CDH4: variants seen among roughly 807,000 people sequenced by gnomAD.
The protein encoded by CDH4 is cadherin-4.
In CDH4, 33 loss-of-function variants were observed where a neutral mutation model predicts 86.0. That is an observed-to-expected ratio of 0.38 (90% confidence interval 0.29 to 0.51). The LOEUF (loss-of-function observed/expected upper bound fraction) is 0.51, where lower values mean the gene tolerates loss of function less well. Ranked by LOEUF, CDH4 falls within the 20% of genes least tolerant of loss-of-function variation. The pLI, the probability that CDH4 is intolerant of heterozygous loss-of-function variation, is 0.86. For missense variants in CDH4, 1,114 were observed against 1,307.4 expected (o/e 0.85, Z 2.28); for synonymous variants, 555 against 549.4 (o/e 1.01, Z -0.14).
At chr20:61,311,624 G>A (rs2084446129) in intron 2 of CDH4, among the ~76,000 whole-genome samples, 1 of 152,180 alleles carries the variant, frequency 6.6e-6, no homozygotes, top group African/African-American at 2.4e-5. Flanking sequence ...CAAAGTTTGT[G>A]TTTGTGTTAA....
At chr20:61,677,053 G>A (rs1236551379) in intron 2 of CDH4, among the ~76,000 whole-genome samples, 6 of 152,192 alleles carry the variant, frequency 3.9e-5, no homozygotes, top group Admixed American at 2.0e-4. Flanking sequence ...TAGGTCCTTC[G>A]TAGGGCCTTG....
At chr20:61,408,213 C>T (rs1375446084) in intron 2 of CDH4, among the ~76,000 whole-genome samples, 3 of 152,274 alleles carry the variant, frequency 2.0e-5, no homozygotes, top group East Asian at 3.9e-4. Flanking sequence ...ATCATCTCTG[C>T]ATCTCGAACT....
chr20:61,378,126 C>T (rs555878158), intron 2 of CDH4, among the ~76,000 whole-genome samples: 81 of 152,198 alleles, frequency 5.3e-4, no homozygotes, highest in African/African-American at 1.9e-3. Context: ...TGGTGGTGCA[C>T]GCCTGTAGTC....
At chr20:61,932,776 C>A (rs111462264) in intron 13 of CDH4, among the ~76,000 whole-genome samples, 2 of 152,246 alleles carry the variant, frequency 1.3e-5, no homozygotes, top group Admixed American at 6.5e-5. Flanking sequence ...GCACGTGGGC[C>A]GCACATGTGC....
At chr20:61,699,400 G>A (rs537737755) in intron 2 of CDH4, among the ~76,000 whole-genome samples, 2 of 152,294 alleles carry the variant, frequency 1.3e-5, no homozygotes, top group African/African-American at 4.8e-5. Context: ...ACAGGGCCAC[G>A]GTTGCCAGGT....
At chr20:61,267,055 A>G (rs1311252792) in intron 2 of CDH4, among the ~76,000 whole-genome samples, 1 of 152,154 alleles carries the variant, frequency 6.6e-6, no homozygotes, top group African/African-American at 2.4e-5. Flanking sequence ...GAATGCCTAG[A>G]GTTCCTGGAA....
chr20:61,605,913 C>T (rs2086641997), intron 2 of CDH4, among the ~76,000 whole-genome samples: 1 of 148,896 alleles, frequency 6.7e-6, no homozygotes, highest in African/African-American at 2.5e-5. Flanking sequence ...AAACAGGAAA[C>T]CAGGTAGAGA....
At chr20:61,311,939 G>A (rs1172219186) in intron 2 of CDH4, among the ~76,000 whole-genome samples, 1 of 152,284 alleles carries the variant, frequency 6.6e-6, no homozygotes, top group Non-Finnish European at 1.5e-5. Context: ...CCGAGCCTGT[G>A]AGGTCATTGT....
At chr20:61,408,341 G>C (rs923389943) in intron 2 of CDH4, among the ~76,000 whole-genome samples, 1 of 152,158 alleles carries the variant, frequency 6.6e-6, no homozygotes, top group Non-Finnish European at 1.5e-5. Flanking sequence ...TTTAACTTGG[G>C]GGGTGGTGTT....
intron 5 of CDH4, among the ~76,000 whole-genome samples, chr20:61,846,252 T>G (rs1360604703): frequency 6.6e-6 from 1 of 152,202 alleles, no homozygotes; most frequent in Non-Finnish European, 1.5e-5. Flanking sequence ...TGGGGAGACC[T>G]GATTGACAGT....
At chr20:61,396,265 C>T (rs896982916) in intron 2 of CDH4, among the ~76,000 whole-genome samples, 1 of 152,124 alleles carries the variant, frequency 6.6e-6, no homozygotes, top group South Asian at 2.1e-4. Flanking sequence ...TGGTACCATC[C>T]TGGCTACATC....
intron 3 of CDH4, among the ~76,000 whole-genome samples, chr20:61,758,091 G>A (rs1334883506): frequency 6.6e-6 from 1 of 152,240 alleles, no homozygotes; most frequent in African/African-American, 2.4e-5. Context: ...CCATGTGGCA[G>A]ATGCGGTTTG....
rs529085825 is a variant in CDH4, at chr20:61,917,261, C to G, written c.1375-6190C>G. On this transcript the variant is annotated intron_variant, in intron 9 of 15. Transcript: ENST00000614565. ...TTCTCCGCTCTCAGGTCCCCAAACC[C>G]AAATACCATCTGTTACCATCATACC... Among the ~76,000 whole-genome samples, 3 of 152,320 alleles carry G rather than the reference C, an allele frequency of 2.0e-5. No individual in the cohort carries two copies. In the South Asian group the frequency reaches 6.2e-4, roughly 32 times the overall value.
At chr20:61,632,332 T>C (rs1356689740) in intron 2 of CDH4, among the ~76,000 whole-genome samples, 1 of 152,160 alleles carries the variant, frequency 6.6e-6, no homozygotes, top group Admixed American at 6.5e-5. Flanking sequence ...TGTGCACTTA[T>C]ACAATACCCA....
intron 4 of CDH4, among the ~76,000 whole-genome samples, chr20:61,840,315 C>T (rs984750931): frequency 3.9e-5 from 6 of 152,180 alleles, no homozygotes; most frequent in African/African-American, 1.4e-4. Flanking sequence ...CCCCGGCTTC[C>T]ACCCTTGAAA....
chr20:61,580,773 T>C (rs1283346675), intron 2 of CDH4, among the ~76,000 whole-genome samples: 7 of 152,132 alleles, frequency 4.6e-5, no homozygotes, highest in African/African-American at 1.2e-4. Context: ...CCATTAGCAA[T>C]GGGTGGCGCC....
rs958681013 is a variant in CDH4, at chr20:61,663,955, C to T, written c.170-79608C>T. 2.0e-5 allele frequency among the ~76,000 whole-genome samples: 3 copies of T among 152,170 alleles called. No homozygotes were observed. The highest frequency in any genetic ancestry group is 3.9e-4 in the East Asian group (2 of 5,184). On this transcript the variant is annotated intron_variant, in intron 2 of 15. Transcript: ENST00000614565. This position sits in a 1 kb window ranked among gnomAD's most constrained non-coding sequence, Gnocchi z 5.0. Reference sequence around the variant, plus strand: ...CTGTCCTCTGTCCAGCACCGGTCCACGTTGAGGTGTCTGTGTGCCACCGGG... The same window carrying T: ...CTGTCCTCTGTCCAGCACCGGTCCATGTTGAGGTGTCTGTGTGCCACCGGG...
intron 2 of CDH4, chr20:61,434,818 C>G (rs2085271711): frequency 6.6e-6 from 1 of 152,144 alleles, no homozygotes; most frequent in African/African-American, 2.4e-5. Context: ...TTCCAGACCC[C>G]CTGCACAATG....
At chr20:61,819,660 C>T (rs913400111) in intron 4 of CDH4, among the ~76,000 whole-genome samples, 7 of 152,200 alleles carry the variant, frequency 4.6e-5, no homozygotes, top group South Asian at 2.1e-4. Context: ...TTCTCCCCTC[C>T]GCTGCTGATT....
Sources: allele counts gnomAD v4.1 joint callset (sites outside exome capture counted in the v4.1 genomes callset), GRCh38; gene constraint gnomAD v4.1.1; non-coding constraint Gnocchi (gnomAD v3.1); transcripts MANE v1.5; gene names NCBI Gene and HGNC (gene_info 2026-07-23, HGNC 2026-07-21).